Variants in CEP131 observed in about 807,000 individuals in gnomAD.
CEP131 encodes the protein centrosomal protein 131.
CEP131 carries 99 observed loss-of-function variants against 136.8 expected under a neutral mutation model. The observed-to-expected ratio is 0.72, with a 90% CI of 0.62 to 0.86. The LOEUF is 0.86. Ranked by LOEUF, CEP131 falls within the 40% of genes least tolerant of loss-of-function variation. The pLI, the probability that CEP131 is intolerant of heterozygous loss-of-function variation, is 0.00. For synonymous variants in CEP131, 646 were observed against 612.7 expected, an observed-to-expected ratio of 1.05 and a Z score of -0.80; for missense variants, 1,459 against 1,463.0, an observed-to-expected ratio of 1.00 and a Z score of 0.04.
intron 21 of CEP131, among the ~76,000 whole-genome samples, 189 bp downstream of exon 21, chr17:81,192,129 C>G (rs922657179): frequency 2.0e-5 from 3 of 152,126 alleles, no homozygotes; most frequent in Non-Finnish European, 4.4e-5. Flanking sequence ...AGAGCCCACG[C>G]AAAAGATGGG....
In CEP131 at chr17:81,208,776, C is replaced by T. The variant is rs748949912; in HGVS notation, c.272+152G>A. 46 of 627,138 alleles carry T rather than the reference C, an allele frequency of 7.3e-5. No individual in the cohort carries two copies. The highest frequency in any genetic ancestry group is 1.0e-4 in the Non-Finnish European group (36 of 360,716). The allele number at this position is 627,138 out of a possible 1,614,324, so 38.8% of individuals were successfully genotyped here. The stretch of plus-strand genomic sequence containing the variant: ...GGAGGCCTGGGACACAAAGCTGGCC[C>T]GTGAGGTCACTCCAGGCCTCACTAG... On this transcript the variant is annotated intron_variant, in intron 3 of 25. Coordinates refer to ENST00000450824, the MANE Select transcript of CEP131 (RefSeq NM_014984.4). The surrounding 1 kb of genome is among the most constrained non-coding windows in gnomAD (Gnocchi z 5.6).
rs537921227 is a variant in CEP131 at position 81,190,753 on chromosome 17, C to A, written c.2993G>T (p.Arg998Leu). 4 of 1,611,842 alleles carry A rather than the reference C, an allele frequency of 2.5e-6. No homozygotes were observed. Among genetic ancestry groups the A allele is most frequent in the South Asian group, 1.1e-5 (1 of 91,014 alleles). ...TGCCAGCCGGTCCTCGAACTCCTGG[C>A]GGATCACCTGGGCCAGGTTGCTGCG... ...SERSNLAQVI[R>L]QEFEDRLAAS... Residue 998 changes from arginine (R) to leucine (L), a missense_variant, in exon 24 of 26, where the codon CGC becomes CTC. By Grantham distance (102) the Arg-to-Leu change is moderately radical. Around this residue, in one of 3 missense-constraint regions of CEP131, gnomAD observed 1,026 missense variants for 964.2 expected, o/e 1.06. Coordinates refer to ENST00000450824, the MANE Select transcript of CEP131 (RefSeq NM_014984.4).
At position 81,199,394 on chromosome 17, in the gene CEP131, C is replaced by T. The variant is rs1342867190; in HGVS notation, c.1179G>A (p.Lys393=). ...AGCCACTCTCACCAGTATTGTTGGC[C>T]TTGAGGGCCTGGTGGGCAGTGCCGC... The part of the protein sequence containing the change: ...TPGGTAHQAL[K]ANNTGGGLPA... Residue 393 remains lysine, a synonymous_variant, in exon 10 of 26, where the codon AAG becomes AAA. Transcript: ENST00000450824. 1.9e-6 allele frequency: 3 copies of T among 1,603,848 alleles called. No individual in the cohort carries two copies. In the African/African-American group the frequency reaches 4.0e-5, roughly 21 times the overall value.
At chr17:81,202,463 C>A in intron 6 of CEP131, 65 bp from the exon 7 acceptor site, 2 of 1,546,460 alleles carry the variant, frequency 1.3e-6, no homozygotes, top group Non-Finnish European at 1.7e-6. Flanking sequence ...CCACAGGCAG[C>A]AGGTGCCCAC....
rs754491930 is a variant in CEP131 at position 81,189,963 on chromosome 17, G to C, written c.3120C>G (p.Ala1040=). ...LEEVHRRVKT[A]LARKEEAVSS... ...TCACGGCCTCCTCCTTCCTCGCGAG[G>C]GCTGTCTTCACCCTGTGGGTAGTAC... is the stretch of plus-strand genomic sequence containing the variant. The change falls in exon 25 of 26, where the codon GCC becomes GCG. Residue 1040 remains alanine (A), a synonymous_variant. Coordinates refer to ENST00000450824, the MANE Select transcript of CEP131 (RefSeq NM_014984.4). 6.2e-7 allele frequency: 1 copy of C among 1,610,414 alleles called. No homozygotes were observed. The highest frequency in any genetic ancestry group is 8.5e-7 in the Non-Finnish European group (1 of 1,177,920).
intron 5 of CEP131, among the ~76,000 whole-genome samples, chr17:81,204,985 G>A (rs955331658): frequency 6.6e-6 from 1 of 152,192 alleles, no homozygotes; most frequent in Non-Finnish European, 1.5e-5. Flanking sequence ...AAATGGCCGG[G>A]CGCAGTGGCT....
At position 81,189,811 on chromosome 17, in the gene CEP131, C is replaced by T. The variant is rs756862159; in HGVS notation, c.3201G>A (p.Glu1067=). 7 of 1,611,354 alleles carry T rather than the reference C, an allele frequency of 4.3e-6. No individual in the cohort carries two copies. The highest frequency in any genetic ancestry group is 5.9e-6 in the Non-Finnish European group (7 of 1,179,148). ...AAVKRADHLE[E]LLEQHRRPTP... ...TGGGCCTCCTGTGCTGCTCCAGCAGCTCCTCCAGGTGGTCGGCCCGCTTCA... is the reference window on the plus strand; with the variant it reads ...TGGGCCTCCTGTGCTGCTCCAGCAGTTCCTCCAGGTGGTCGGCCCGCTTCA... Residue 1067 remains glutamate, a synonymous_variant, in exon 26 of 26, where the codon GAG becomes GAA. Transcript: ENST00000450824.
chr17:81,195,008 AG>A, intron 16 of CEP131, 36 bp from the exon 17 acceptor site: 1 of 1,543,398 alleles, frequency 6.5e-7, no homozygotes, highest in Non-Finnish European at 8.9e-7. Flanking sequence ...AACGACACGA[AG>A]GACACCCCCG....
chr17:81,196,498 C>T (rs1223468172), intron 15 of CEP131, among the ~76,000 whole-genome samples: 5 of 152,222 alleles, frequency 3.3e-5, no homozygotes, highest in East Asian at 1.9e-4. Context: ...TCACACGGGG[C>T]GGCTCTGGAT....
chr17:81,189,763 C>T lies in CEP131; in HGVS notation c.*6G>A. On this transcript the variant is annotated 3_prime_UTR_variant, in exon 26 of 26. Coordinates refer to ENST00000450824, the MANE Select transcript of CEP131 (RefSeq NM_014984.4). ...CGTTCTTCGACAGTGTTCCCGGCAT[C>T]CCTGGTCACTTGGTACTTGGCGTGG... 6.3e-7 allele frequency: 1 copy of T among 1,595,698 alleles called. No individual in the cohort carries two copies.
At chr17:81,198,351 C>T in intron 11 of CEP131, 54 bp from the exon 12 acceptor site, 1 of 1,508,632 alleles carries the variant, frequency 6.6e-7, no homozygotes, top group Non-Finnish European at 8.9e-7. Flanking sequence ...CTGAGAGCAG[C>T]CCCCACATAG....
In CEP131 at chr17:81,192,300, G is replaced by A; in HGVS notation, c.2622+18C>T. The stretch of plus-strand genomic sequence containing the variant: ...GGCAGCCCCCAACCCCTGCCCACCT[G>A]GGTGCCCAGGCCCCCACCTCCTTCC... On this transcript the variant is annotated intron_variant, in intron 21 of 25. Coordinates refer to ENST00000450824, the MANE Select transcript of CEP131 (RefSeq NM_014984.4). 1.3e-6 allele frequency: 2 copies of A among 1,548,076 alleles called. No individual in the cohort carries two copies. Among genetic ancestry groups the A allele is most frequent in the Non-Finnish European group, 1.7e-6 (2 of 1,146,776 alleles).
chr17:81,212,333 A>AG (rs1555614930), intron 2 of CEP131, among the ~76,000 whole-genome samples: 33 of 146,988 alleles, frequency 2.2e-4, no homozygotes, highest in African/African-American at 7.8e-4. Flanking sequence ...AAAAAAAAAA[A>AG]AAAGAAAAGA....
rs569386777 is a variant in CEP131 at position 81,218,987 on chromosome 17, G to A, written c.177+893C>T. Among the ~76,000 whole-genome samples the A allele has an allele frequency of 1.2e-4, 19 of 152,348 alleles. No homozygotes were observed. The South Asian group carries it at 3.1e-3, about 25-fold the overall frequency. ...CAAGGCCCCCAGGCCCTTGCTATTC[G>A]GAAGCTCAGGCCAGACTCTGGTCAG... On this transcript the variant is annotated intron_variant, in intron 2 of 25. Coordinates refer to ENST00000450824, the MANE Select transcript of CEP131 (RefSeq NM_014984.4).
Position 81,219,647 on chromosome 17 carries a change from A to G in CEP131, c.177+233T>C, listed in dbSNP as rs2062340183. On this transcript the variant is annotated intron_variant, in intron 2 of 25. Coordinates refer to ENST00000450824, the MANE Select transcript of CEP131 (RefSeq NM_014984.4). This position sits in a 1 kb window ranked among gnomAD's most constrained non-coding sequence, Gnocchi z 4.0. ...CAAATCCAAAGGGCGGTGGCACAGG[A>G]GGCCTGGGGCTGTTGCTGAAAGAAT... 6.6e-6 allele frequency among the ~76,000 whole-genome samples: 1 copy of G among 152,054 alleles called. No individual in the cohort carries two copies. The highest frequency in any genetic ancestry group is 1.5e-5 in the Non-Finnish European group (1 of 68,010).
At chr17:81,196,167 G>A (rs1234890490) in intron 15 of CEP131, among the ~76,000 whole-genome samples, 4 of 152,322 alleles carry the variant, frequency 2.6e-5, no homozygotes, top group Non-Finnish European at 5.9e-5. Flanking sequence ...TCAGCTGGGG[G>A]ACCCGGCGAA....
chr17:81,197,916 G>C (rs775780337), intron 12 of CEP131, 28 bp from the exon 13 acceptor site: 3 of 1,599,796 alleles, frequency 1.9e-6, no homozygotes, highest in African/African-American at 2.7e-5. Context: ...AGCATCGGGG[G>C]CTGTCAGGGC....
chr17:81,190,240 CCT>C (rs895700291), intron 24 of CEP131, among the ~76,000 whole-genome samples: 2 of 152,184 alleles, frequency 1.3e-5, no homozygotes, highest in African/African-American at 4.8e-5. Context: ...CCCACACCCA[CCT>C]CTCAGCCTGT....
At chr17:81,200,003 T>C in intron 8 of CEP131, 168 bp from the exon 9 acceptor site, 1 of 701,608 alleles carries the variant, frequency 1.4e-6, no homozygotes, top group African/African-American at 1.8e-5. Flanking sequence ...ATTTCTCTGC[T>C]CTACAGAGGA....
Sources: allele counts gnomAD v4.1 joint callset (sites outside exome capture counted in the v4.1 genomes callset), GRCh38; gene constraint gnomAD v4.1.1; regional missense constraint gnomAD v4.1.1; non-coding constraint Gnocchi (gnomAD v3.1); transcripts MANE v1.5; gene names NCBI Gene and HGNC (gene_info 2026-07-23, HGNC 2026-07-21).